IGF2R: variants seen among roughly 807,000 people sequenced by gnomAD.
The protein encoded by IGF2R is cation-independent mannose-6-phosphate receptor.
In IGF2R, 91 loss-of-function variants were observed where a neutral mutation model predicts 270.6. That is an observed-to-expected ratio of 0.34 (90% confidence interval 0.28 to 0.40). The LOEUF (loss-of-function observed/expected upper bound fraction) is 0.40. Ranked by LOEUF, IGF2R falls within the 10% of genes least tolerant of loss-of-function variation. IGF2R has a pLI of 1.00. For missense variants in IGF2R, 2,805 were observed against 3,188.3 expected, an observed-to-expected ratio of 0.88 and a Z score of 2.90; for synonymous variants, 1,316 against 1,258.9, an observed-to-expected ratio of 1.05 and a Z score of -0.96.
intron 44 of IGF2R, chr6:160,095,648 C>G (rs1779340322): frequency 6.6e-6 from 1 of 152,232 alleles, no homozygotes; most frequent in Non-Finnish European, 1.5e-5. Flanking sequence ...AGTAGCACAA[C>G]CTAAGGTGGC....
chr6:160,081,576 T>C (rs964251104), intron 39 of IGF2R, among the ~76,000 whole-genome samples: 15 of 152,202 alleles, frequency 9.9e-5, no homozygotes, highest in African/African-American at 3.6e-4. Context: ...GGCTGGAATT[T>C]CCAAATCCTA....
chr6:160,076,536 G>A (rs767105504), intron 36 of IGF2R, among the ~76,000 whole-genome samples: 5 of 152,174 alleles, frequency 3.3e-5, no homozygotes, highest in South Asian at 2.1e-4. Context: ...CTTTGAGGAC[G>A]TTTTCTTTTG....
In IGF2R at chr6:160,009,096, G is replaced by C; in HGVS notation, c.376G>C (p.Val126Leu). The C allele has an allele frequency of 8.7e-6, 14 of 1,613,902 alleles. No homozygotes were observed. The highest frequency in any genetic ancestry group is 1.1e-5 in the Non-Finnish European group (13 of 1,179,914). The change falls in exon 3 of 48, where the codon GTC (valine) becomes CTC (leucine). Residue 126 changes from valine (V) to leucine (L), a missense_variant. By Grantham distance (32) the Val-to-Leu change is conservative. Around this residue, in one of 2 missense-constraint regions of IGF2R, gnomAD observed 954 missense variants for 981.1 expected, o/e 0.97. Coordinates refer to ENST00000356956, the MANE Select transcript of IGF2R (RefSeq NM_000876.4). ...SCDQQGTNHR[V>L]QSSIAFLCGK... ...TGACCAGCAAGGCACAAATCACAGA[G>C]TCCAGAGCAGCATTGCCTTCCTGTG...
At chr6:160,101,531 G>T (rs1049646143) in intron 45 of IGF2R, among the ~76,000 whole-genome samples, 1 of 152,244 alleles carries the variant, frequency 6.6e-6, no homozygotes, top group African/African-American at 2.4e-5. Flanking sequence ...CAGCCCTTGC[G>T]GCTGGGCCGC....
At chr6:160,013,837 A>G (rs1777207390) in intron 4 of IGF2R, among the ~76,000 whole-genome samples, 1 of 152,196 alleles carries the variant, frequency 6.6e-6, no homozygotes, top group Non-Finnish European at 1.5e-5. Context: ...AATAAAGCGT[A>G]TGCCCTTTTT....
chr6:159,980,236 A>AAAGG lies in IGF2R; in HGVS notation c.149+10842_149+10845dup, dbSNP rs1491249507. Reference sequence around the variant, plus strand: ...GAAAGAAAGAAAGAAAGAAAGAAAGAAAGGTACATGGAAGATTCGATTGCT... The same window carrying AAAGG: ...GAAAGAAAGAAAGAAAGAAAGAAAGAAAGGAAGGTACATGGAAGATTCGATTGCT... On this transcript the variant is annotated intron_variant, in intron 1 of 47. Transcript: ENST00000356956. Among the ~76,000 whole-genome samples, 150 of 136,140 alleles carry AAAGG rather than the reference A, an allele frequency of 1.1e-3. 11 individuals carry two copies. Among genetic ancestry groups the AAAGG allele is most frequent in the Non-Finnish European group, 1.8e-3 (118 of 64,156 alleles). The allele number at this position is 136,140 out of a possible 152,430, so 89.3% of individuals were successfully genotyped here.
At chr6:160,044,459 TGCG>T in intron 12 of IGF2R, 52 bp from the exon 13 acceptor site, 1 of 1,242,854 alleles carries the variant, frequency 8.0e-7, no homozygotes, top group Admixed American at 2.7e-5. Context: ...CTTCTTTGTC[TGCG>T]TGATGATCAT....
At chr6:160,042,591 C>T (rs1583275650) in intron 11 of IGF2R, among the ~76,000 whole-genome samples, 1 of 152,188 alleles carries the variant, frequency 6.6e-6, no homozygotes, top group African/African-American at 2.4e-5. Context: ...ATCACACTGA[C>T]CAGCTCACCA....
chr6:160,098,481 G>T (rs1562378790), intron 45 of IGF2R, among the ~76,000 whole-genome samples: 1 of 152,138 alleles, frequency 6.6e-6, no homozygotes, highest in Non-Finnish European at 1.5e-5. Context: ...TAGTGCCTGA[G>T]ATTTTTTTTT....
intron 1 of IGF2R, among the ~76,000 whole-genome samples, chr6:159,972,516 G>C (rs1783625661): frequency 6.6e-6 from 1 of 152,156 alleles, no homozygotes; most frequent in Non-Finnish European, 1.5e-5. Context: ...GATGGAGTTG[G>C]ATTTCCAGGA....
At chr6:159,975,701 T>TATATATATATATATAA (rs1554234055) in intron 1 of IGF2R, among the ~76,000 whole-genome samples, 1 of 146,646 alleles carries the variant, frequency 6.8e-6, no homozygotes, top group African/African-American at 2.5e-5. Context: ...TATATATATA[T>TATATATATATATATAA]AAAGTATATG....
intron 45 of IGF2R, among the ~76,000 whole-genome samples, chr6:160,100,954 G>A (rs1013948266): frequency 1.3e-5 from 2 of 149,914 alleles, no homozygotes; most frequent in African/African-American, 4.9e-5. Flanking sequence ...CTACCTCCTG[G>A]CTAATTTTTG....
chr6:160,071,165 G>A (rs2115273231), intron 31 of IGF2R, among the ~76,000 whole-genome samples: 1 of 151,664 alleles, frequency 6.6e-6, no homozygotes, highest in African/African-American at 2.4e-5. Flanking sequence ...CAGGAGGCTG[G>A]GAGGGAAAGG....
chr6:160,033,550 C>G (rs970661755), intron 9 of IGF2R, among the ~76,000 whole-genome samples: 1 of 152,254 alleles, frequency 6.6e-6, no homozygotes, highest in Non-Finnish European at 1.5e-5. Flanking sequence ...GCATTCCTTC[C>G]TAGTAGACTT....
intron 10 of IGF2R, among the ~76,000 whole-genome samples, chr6:160,038,597 A>G (rs759043027): frequency 1.3e-5 from 2 of 152,174 alleles, no homozygotes; most frequent in Non-Finnish European, 2.9e-5. Flanking sequence ...ATGTGAATCT[A>G]GTAGGATTAA....
chr6:160,064,555 A>G (rs1778520620), intron 28 of IGF2R, 24 bp downstream of exon 28: 1 of 1,612,686 alleles, frequency 6.2e-7, no homozygotes, highest in Non-Finnish European at 8.5e-7. Flanking sequence ...GACGGCCCTC[A>G]GCGGGGTCTT....
chr6:160,081,139 A>AT (rs1219249396), intron 39 of IGF2R, among the ~76,000 whole-genome samples: 1 of 147,786 alleles, frequency 6.8e-6, no homozygotes, highest in Non-Finnish European at 1.5e-5. Context: ...AAAAAAAAAA[A>AT]GAAAAATTAC....
chr6:160,099,397 C>T (rs886629447), intron 45 of IGF2R, among the ~76,000 whole-genome samples: 37 of 150,696 alleles, frequency 2.5e-4, no homozygotes, highest in African/African-American at 7.9e-4. Flanking sequence ...GAGACAGAGT[C>T]TCGCTCTCGC....
intron 39 of IGF2R, among the ~76,000 whole-genome samples, chr6:160,082,467 A>G (rs1306799549): frequency 6.6e-6 from 1 of 151,852 alleles, no homozygotes; most frequent in African/African-American, 2.4e-5. Context: ...CCGCCACCTC[A>G]CCCAGCTAAT....
Sources: allele counts gnomAD v4.1 joint callset (sites outside exome capture counted in the v4.1 genomes callset), GRCh38; gene constraint gnomAD v4.1.1; regional missense constraint gnomAD v4.1.1; transcripts MANE v1.5; gene names NCBI Gene and HGNC (gene_info 2026-07-23, HGNC 2026-07-21).